The following FMN2 variants were observed in gnomAD, a reference collection of about 807,000 sequenced individuals.
FMN2 encodes the protein formin 2, also known as formin-2.
Under a neutral mutation model 142.3 loss-of-function variants are expected in FMN2, and 51 were observed. The observed-to-expected ratio is 0.36, with a 90% CI of 0.29 to 0.45. The LOEUF (loss-of-function observed/expected upper bound fraction) is 0.45. FMN2 is among the 20% of genes least tolerant of loss of function. The probability of loss-of-function intolerance (pLI) is 1.00; values close to 1 mark genes in which losing one functional copy is unlikely to be tolerated. For missense variants in FMN2, 1,936 were observed against 2,122.8 expected (o/e 0.91, Z 1.73); for synonymous variants, 882 against 869.8 (o/e 1.01, Z -0.25).
chr1:240,208,632 T>C lies in FMN2; in HGVS notation c.3820T>C (p.Leu1274=), dbSNP rs755242546. 1 of 1,613,770 alleles carries C rather than the reference T, an allele frequency of 6.2e-7. No individual in the cohort carries two copies. Among genetic ancestry groups the C allele is most frequent in the Non-Finnish European group, 8.5e-7 (1 of 1,180,012 alleles). ...TCCATTGCCAAGTGGCTTGTTTGGA[T>C]TAGGGATGAATCAGGACAAAGGGAG... ...PPPLPSGLFG[L]GMNQDKGSRK... The change falls in exon 5 of 18, where the codon TTA becomes CTA. Residue 1274 remains leucine, a synonymous_variant. Transcript: ENST00000319653.
At chr1:240,317,305 T>TAAAAAAAA (rs374121506) in intron 8 of FMN2, among the ~76,000 whole-genome samples, 2 of 146,354 alleles carry the variant, frequency 1.4e-5, no homozygotes, top group Non-Finnish European at 1.5e-5. Flanking sequence ...AGACTCCATC[T>TAAAAAAAA]AAAAAGAAAA....
intron 16 of FMN2, among the ~76,000 whole-genome samples, chr1:240,451,988 G>A (rs1244616245): frequency 3.3e-5 from 5 of 151,840 alleles, no homozygotes; most frequent in East Asian, 1.9e-4. Context: ...TCAGGAGATC[G>A]AGACCATCCT....
At chr1:240,149,311 T>G (rs1374604242) in intron 2 of FMN2, among the ~76,000 whole-genome samples, 1 of 152,216 alleles carries the variant, frequency 6.6e-6, no homozygotes, top group East Asian at 1.9e-4. Context: ...ACAGATTAAT[T>G]TTTACAGATA....
chr1:240,286,324 C>T (rs1398977014), intron 7 of FMN2, among the ~76,000 whole-genome samples: 1 of 152,130 alleles, frequency 6.6e-6, no homozygotes, highest in African/African-American at 2.4e-5. Flanking sequence ...TGTCCAGAGA[C>T]TTAGATTTAA....
chr1:240,182,717 C>T (rs1665201913), intron 3 of FMN2, among the ~76,000 whole-genome samples: 1 of 152,042 alleles, frequency 6.6e-6, no homozygotes, highest in African/African-American at 2.4e-5. Context: ...TAAGGATCTG[C>T]CATTTTTAAA....
chr1:240,106,621 C>G (rs1661618896), intron 1 of FMN2, among the ~76,000 whole-genome samples: 1 of 152,086 alleles, frequency 6.6e-6, no homozygotes, highest in South Asian at 2.1e-4. Context: ...GTCTCTACAT[C>G]CTGTTAAAAT....
chr1:240,380,576 A>C (rs1424655726), intron 14 of FMN2, among the ~76,000 whole-genome samples: 1 of 152,126 alleles, frequency 6.6e-6, no homozygotes, highest in Non-Finnish European at 1.5e-5. Context: ...AACCTCTGGG[A>C]TGCAGCAAAA....
intron 15 of FMN2, among the ~76,000 whole-genome samples, chr1:240,407,799 C>G (rs1417924248): frequency 6.6e-6 from 1 of 152,176 alleles, no homozygotes; most frequent in Non-Finnish European, 1.5e-5. Flanking sequence ...AGACCAAGGT[C>G]ACACTCCCAT....
intron 5 of FMN2, among the ~76,000 whole-genome samples, chr1:240,210,256 A>G (rs867188382): frequency 1.4e-4 from 22 of 152,318 alleles, no homozygotes; most frequent in African/African-American, 5.3e-4. Context: ...GGAAAAACGC[A>G]CACTGTAAAC....
intron 8 of FMN2, among the ~76,000 whole-genome samples, chr1:240,322,169 A>G (rs1260396039): frequency 1.4e-5 from 2 of 146,400 alleles, no homozygotes; most frequent in Non-Finnish European, 3.0e-5. Context: ...CTGAAAGTCT[A>G]TTGCTTTTCC....
intron 6 of FMN2, among the ~76,000 whole-genome samples, chr1:240,225,933 A>T (rs984526064): frequency 6.6e-6 from 1 of 152,196 alleles, no homozygotes; most frequent in Non-Finnish European, 1.5e-5. Flanking sequence ...TGATTTAACG[A>T]TCGATTAGTG....
intron 15 of FMN2, among the ~76,000 whole-genome samples, chr1:240,434,555 G>T (rs200709280): frequency 2.7e-5 from 4 of 148,176 alleles, no homozygotes; most frequent in South Asian, 2.1e-4. Flanking sequence ...TTTGTTTTTT[G>T]TTTTTTTTTG....
intron 13 of FMN2, among the ~76,000 whole-genome samples, chr1:240,343,800 CAT>C (rs1181687366): frequency 2.0e-5 from 3 of 152,226 alleles, no homozygotes; most frequent in Non-Finnish European, 4.4e-5. Flanking sequence ...GCAATAAAGA[CAT>C]AGACGTACGT....
chr1:240,210,209 T>A (rs1387069074), intron 5 of FMN2, among the ~76,000 whole-genome samples: 2 of 152,282 alleles, frequency 1.3e-5, no homozygotes, highest in East Asian at 3.9e-4. Context: ...ATTGAGACAA[T>A]GCTGTGATAC....
At chr1:240,408,748 T>C (rs1674296172) in intron 15 of FMN2, among the ~76,000 whole-genome samples, 1 of 152,142 alleles carries the variant, frequency 6.6e-6, no homozygotes, top group Admixed American at 6.5e-5. Context: ...GATTCATAGT[T>C]TATGAATCAA....
At chr1:240,472,200 T>A in intron 16 of FMN2, 172 bp from the exon 17 acceptor site, 2 of 568,152 alleles carry the variant, frequency 3.5e-6, no homozygotes, top group Non-Finnish European at 6.2e-6. Flanking sequence ...CGTCTGTAGC[T>A]GTAACAGTTG....
intron 13 of FMN2, among the ~76,000 whole-genome samples, chr1:240,352,034 G>A (rs947837287): frequency 1.3e-5 from 2 of 152,162 alleles, no homozygotes; most frequent in South Asian, 2.1e-4. Flanking sequence ...AGCCTTCCTT[G>A]CCTCTGGCTT....
At chr1:240,204,398 G>A (rs76451958) in intron 4 of FMN2, among the ~76,000 whole-genome samples, 10,540 of 152,220 alleles carry the variant, frequency 0.069, 454 homozygotes, top group South Asian at 0.14. Context: ...CCAGGAGTTC[G>A]AGGCCAGCCT....
At chr1:240,456,852 G>C (rs550345516) in intron 16 of FMN2, among the ~76,000 whole-genome samples, 8 of 152,222 alleles carry the variant, frequency 5.3e-5, no homozygotes, top group Admixed American at 3.9e-4. Context: ...GTATTCACTG[G>C]GCCTTATTCT....
Sources: allele counts gnomAD v4.1 joint callset (sites outside exome capture counted in the v4.1 genomes callset), GRCh38; gene constraint gnomAD v4.1.1; transcripts MANE v1.5; gene names NCBI Gene and HGNC (gene_info 2026-07-23, HGNC 2026-07-21).